AFF3: variants seen among roughly 807,000 people sequenced by gnomAD.
AFF3 encodes the protein ALF transcription elongation factor 3, also known as AF4/FMR2 family member 3.
Under a neutral mutation model 129.7 loss-of-function variants are expected in AFF3, and 32 were observed. The ratio of observed to expected loss-of-function variants is 0.25; its 90% CI spans 0.19 to 0.33. The LOEUF (loss-of-function observed/expected upper bound fraction) is 0.33. Ranked by LOEUF, AFF3 falls within the 10% of genes least tolerant of loss-of-function variation. The probability of loss-of-function intolerance (pLI) is 1.00; values close to 1 mark genes in which losing one functional copy is unlikely to be tolerated. For missense variants in AFF3, 1,373 were observed against 1,592.0 expected (o/e 0.86, Z 2.34); for synonymous variants, 644 against 635.4 (o/e 1.01, Z -0.20).
intron 7 of AFF3, among the ~76,000 whole-genome samples, chr2:99,984,340 A>T (rs182502816): frequency 4.6e-5 from 7 of 152,230 alleles, no homozygotes; most frequent in African/African-American, 1.7e-4. Context: ...GTAGAAAATT[A>T]TAACAGTGAA....
chr2:100,035,918 A>G (rs931653399), intron 4 of AFF3, among the ~76,000 whole-genome samples: 1 of 152,116 alleles, frequency 6.6e-6, no homozygotes, highest in Admixed American at 6.5e-5. Context: ...ACAATAGTAC[A>G]CTGCAAGTAA....
chr2:99,818,360 G>C (rs1687402028), intron 8 of AFF3, among the ~76,000 whole-genome samples: 1 of 152,134 alleles, frequency 6.6e-6, no homozygotes, highest in Non-Finnish European at 1.5e-5. Context: ...CAGAAATGTA[G>C]GGAATCTCAT....
At chr2:99,788,188 TTAC>T (rs1370112980) in intron 8 of AFF3, among the ~76,000 whole-genome samples, 9 of 152,214 alleles carry the variant, frequency 5.9e-5, no homozygotes, top group South Asian at 2.1e-4. Context: ...GTTTATGTAT[TTAC>T]TACATTACAC....
chr2:99,616,187 C>G (rs1226728021), intron 13 of AFF3, among the ~76,000 whole-genome samples: 1 of 152,148 alleles, frequency 6.6e-6, no homozygotes, highest in Non-Finnish European at 1.5e-5. Context: ...CATTAGAGAT[C>G]CTGCCACCCA....
intron 11 of AFF3, among the ~76,000 whole-genome samples, chr2:99,713,589 C>T (rs533271703): frequency 1.3e-5 from 2 of 151,468 alleles, no homozygotes; most frequent in African/African-American, 4.9e-5. Context: ...ATTTGAGGAA[C>T]CTTGACCTAG....
chr2:99,622,324 C>T (rs770955303), intron 13 of AFF3, among the ~76,000 whole-genome samples: 9 of 152,128 alleles, frequency 5.9e-5, no homozygotes, highest in Non-Finnish European at 1.2e-4. Context: ...ATGAGCCCAA[C>T]CCATGAGAGG....
At chr2:99,766,827 T>C (rs958840294) in intron 8 of AFF3, among the ~76,000 whole-genome samples, 1 of 152,180 alleles carries the variant, frequency 6.6e-6, no homozygotes, top group African/African-American at 2.4e-5. Context: ...AAATTAATAA[T>C]GGCTAAAGAA....
chr2:99,820,870 CTTTTTTT>C (rs869085194), intron 8 of AFF3, among the ~76,000 whole-genome samples: 26 of 101,718 alleles, frequency 2.6e-4, no homozygotes, highest in African/African-American at 6.5e-4. Flanking sequence ...TCCTCCACAT[CTTTTTTT>C]TTTTTTTTTT....
At chr2:99,629,843 A>T (rs1682959344) in intron 13 of AFF3, among the ~76,000 whole-genome samples, 1 of 152,140 alleles carries the variant, frequency 6.6e-6, no homozygotes. Flanking sequence ...CTCTGATCCC[A>T]TGATGGGATC....
chr2:99,568,943 C>A, intron 18 of AFF3, 28 bp from the exon 19 acceptor site: 1 of 1,599,890 alleles, frequency 6.3e-7, no homozygotes, highest in Non-Finnish European at 8.6e-7. Flanking sequence ...TATTAAACGT[C>A]ATTATGGCTT....
intron 14 of AFF3, among the ~76,000 whole-genome samples, chr2:99,600,469 G>A (rs1315235941): frequency 3.9e-5 from 6 of 152,152 alleles, no homozygotes; most frequent in Admixed American, 6.5e-5. Context: ...AGCTGGACAC[G>A]GGGATGCTGA....
Position 99,593,605 on chromosome 2 carries a change from C to T in AFF3, c.2056G>A (p.Glu686Lys), listed in dbSNP as rs765709256. The T allele has an allele frequency of 1.9e-6, 3 of 1,611,992 alleles. No individual in the cohort carries two copies. Among genetic ancestry groups the T allele is most frequent in the African/African-American group, 1.3e-5 (1 of 74,912 alleles). ...TGTGCTTTGGACAGAGGGTACTCCT[C>T]CTGCTCGGACTCCAGGTCGGAGTCC... ...SSDSDLESEQ[E>K]EYPLSKAQTV... Residue 686 changes from glutamate (E) to lysine (K), a missense_variant, in exon 15 of 25, where the codon GAG becomes AAG. By Grantham distance (56) the Glu-to-Lys change is moderately conservative (BLOSUM62 1). This residue lies in a region of AFF3 where 466 missense variants were observed against 505.0 expected (regional missense o/e 0.92). Coordinates refer to ENST00000672756, the MANE Select transcript of AFF3 (RefSeq NM_001386135.1).
rs560051956 is a variant in AFF3 at position 99,686,459 on chromosome 2, T to C, written c.1092-13870A>G. On this transcript the variant is annotated intron_variant, in intron 11 of 24. Transcript: ENST00000672756. ...CTGGAGCTATTCTCATGGTCTGGAA[T>C]GGGTCTCCTTTCCTGCCTACTTGCT... 1.1e-3 allele frequency among the ~76,000 whole-genome samples: 168 copies of C among 152,320 alleles called. 2 individuals are homozygous for C. Among genetic ancestry groups the C allele is most frequent in the South Asian group, 6.6e-3 (32 of 4,828 alleles).
chr2:99,767,789 C>CA, intron 8 of AFF3, among the ~76,000 whole-genome samples: 1 of 152,230 alleles, frequency 6.6e-6, no homozygotes, highest in South Asian at 2.1e-4. Flanking sequence ...ACTAAAAATA[C>CA]AAAAAATTAG....
chr2:100,141,192 A>G (rs1466004008), intron 1 of AFF3, among the ~76,000 whole-genome samples: 1 of 152,216 alleles, frequency 6.6e-6, no homozygotes, highest in Non-Finnish European at 1.5e-5. Flanking sequence ...ATCATGTTAG[A>G]GTGGGAATTT....
chr2:100,044,627 TG>T (rs1224515832), intron 4 of AFF3, among the ~76,000 whole-genome samples: 1 of 152,166 alleles, frequency 6.6e-6, no homozygotes, highest in Non-Finnish European at 1.5e-5. Context: ...GCTAGACAGA[TG>T]CTTGCTGGTT....
chr2:99,626,320 T>G (rs565256392), intron 13 of AFF3, among the ~76,000 whole-genome samples: 1 of 58,512 alleles, frequency 1.7e-5, no homozygotes, highest in Non-Finnish European at 4.1e-5. Context: ...CTCCCTCCCT[T>G]CCTTCCTTCC....
At chr2:99,794,831 A>G (rs1323114077) in intron 8 of AFF3, among the ~76,000 whole-genome samples, 1 of 152,132 alleles carries the variant, frequency 6.6e-6, no homozygotes. Context: ...CCTTCATGGG[A>G]TCATGATTCT....
intron 15 of AFF3, among the ~76,000 whole-genome samples, chr2:99,591,638 T>A (rs1036629139): frequency 1.3e-5 from 2 of 152,222 alleles, no homozygotes; most frequent in African/African-American, 4.8e-5. Context: ...GCTGTACTCC[T>A]TAGTCCCCTT....
Sources: allele counts gnomAD v4.1 joint callset (sites outside exome capture counted in the v4.1 genomes callset), GRCh38; gene constraint gnomAD v4.1.1; regional missense constraint gnomAD v4.1.1; transcripts MANE v1.5; gene names NCBI Gene and HGNC (gene_info 2026-07-23, HGNC 2026-07-21).